The following FBXO41 variants were observed in gnomAD, a reference collection of about 807,000 sequenced individuals.
FBXO41 encodes the protein F-box protein 41, also known as F-box only protein 41.
In FBXO41, 33 loss-of-function variants were observed where a neutral mutation model predicts 81.6. The observed-to-expected ratio is 0.40, with a 90% confidence interval of 0.31 to 0.54. The LOEUF (loss-of-function observed/expected upper bound fraction) is 0.54. FBXO41 is among the 20% of genes least tolerant of loss of function. The pLI, the probability that FBXO41 is intolerant of heterozygous loss-of-function variation, is 0.39. For synonymous variants in FBXO41, 576 were observed against 552.7 expected, an observed-to-expected ratio of 1.04 and a Z score of -0.59; for missense variants, 1,107 against 1,236.0, an observed-to-expected ratio of 0.90 and a Z score of 1.56.
At chr2:73,283,706 C>CTA (rs1357909178) in intron 1 of FBXO41, among the ~76,000 whole-genome samples, 1 of 152,228 alleles carries the variant, frequency 6.6e-6, no homozygotes, top group African/African-American at 2.4e-5. Context: ...CACCTCCAGA[C>CTA]TATCACACGT....
At position 73,268,985 on chromosome 2, in the gene FBXO41, C is replaced by G; in HGVS notation, c.646G>C (p.Asp216His). 6.5e-7 allele frequency: 1 copy of G among 1,538,978 alleles called. No homozygotes were observed. Among genetic ancestry groups the G allele is most frequent in the African/African-American group, 1.4e-5 (1 of 73,154 alleles). The change falls in exon 2 of 13, where the codon GAC (aspartate) becomes CAC (histidine). Residue 216 changes from aspartate (D) to histidine (H), a missense_variant. Around this residue, in one of 2 missense-constraint regions of FBXO41, gnomAD observed 771 missense variants for 789.2 expected, o/e 0.98. Coordinates refer to ENST00000520530, the MANE Select transcript of FBXO41 (RefSeq NM_001371389.2). ...KIRALEKLEV[D>H]RRLERLSEEV... The stretch of plus-strand genomic sequence containing the variant: ...TCGCTCAGCCGCTCCAGCCGCCGGT[C>G]CACCTCCAGCTTCTCCAGCGCGCGG...
Position 73,259,056 on chromosome 2 carries a change from A to G in FBXO41, c.2566-12T>C. The G allele has an allele frequency of 1.2e-6, 2 of 1,605,398 alleles. No individual in the cohort carries two copies. The highest frequency in any genetic ancestry group is 1.7e-6 in the Non-Finnish European group (2 of 1,175,836). On this transcript the variant is annotated splice_polypyrimidine_tract_variant and intron_variant, in intron 12 of 12. Transcript: ENST00000520530. This position sits in a 1 kb window ranked among gnomAD's most constrained non-coding sequence, Gnocchi z 4.2. Reference sequence around the variant, plus strand: ...CTCCGTCGCAGAGCCTGCGGACCGAACCCTGGGTTAGTTCTCCCTCCGTGC... The same window carrying G: ...CTCCGTCGCAGAGCCTGCGGACCGAGCCCTGGGTTAGTTCTCCCTCCGTGC...
Position 73,269,739 on chromosome 2 carries a change from T to A in FBXO41, c.-109A>T. ...AGGCCCCCTGCGGGGTCAGGAAGGC[T>A]CAGGGCGCCCGCGGCCTGGGGCGAG... On this transcript the variant is annotated 5_prime_UTR_variant, in exon 2 of 13. Coordinates refer to ENST00000520530, the MANE Select transcript of FBXO41 (RefSeq NM_001371389.2). This position sits in a 1 kb window ranked among gnomAD's most constrained non-coding sequence, Gnocchi z 7.0. 1 of 733,870 alleles carries A rather than the reference T, an allele frequency of 1.4e-6. No individual in the cohort carries two copies. The highest frequency in any genetic ancestry group is 1.7e-6 in the Non-Finnish European group (1 of 575,214). The allele number at this position is 733,870 out of a possible 1,614,324, so 45.5% of individuals were successfully genotyped here.
At chr2:73,268,603 A>C in intron 2 of FBXO41, 123 bp downstream of exon 2, 4 of 934,920 alleles carry the variant, frequency 4.3e-6, no homozygotes, top group African/African-American at 1.7e-5. Context: ...GCTCCTGGCC[A>C]CGGATCCTCT....
chr2:73,270,703 T>C (rs990823390), intron 1 of FBXO41: 3 of 469,874 alleles, frequency 6.4e-6, no homozygotes, highest in Non-Finnish European at 1.3e-5. Context: ...ACAAGGTCCC[T>C]CCATCCCCCC....
At chr2:73,263,465 AAAAAAGAAAGAAAG>A (rs1688093607) in intron 8 of FBXO41, among the ~76,000 whole-genome samples, 157 bp from the exon 9 acceptor site, 1 of 152,084 alleles carries the variant, frequency 6.6e-6, no homozygotes, top group Admixed American at 6.5e-5. Flanking sequence ...TTTAAAAAAA[AAAAAAGAAAGAAAG>A]AAAAAGAAAA....
chr2:73,265,225 C>T, intron 5 of FBXO41, 57 bp downstream of exon 5: 7 of 1,473,792 alleles, frequency 4.7e-6, no homozygotes, highest in Non-Finnish European at 6.4e-6. Flanking sequence ...GGTGCAGGAG[C>T]CCAGGAGATT....
At chr2:73,283,132 A>T (rs1457218141) in intron 1 of FBXO41, among the ~76,000 whole-genome samples, 1 of 152,164 alleles carries the variant, frequency 6.6e-6, no homozygotes, top group African/African-American at 2.4e-5. Flanking sequence ...TATCCTAAGG[A>T]TGGGGGAGGC....
chr2:73,272,752 A>AT (rs1688577837), intron 1 of FBXO41, among the ~76,000 whole-genome samples: 1 of 152,220 alleles, frequency 6.6e-6, no homozygotes, highest in Non-Finnish European at 1.5e-5. Context: ...CACCACCACC[A>AT]GGGACTTCAT....
In FBXO41 at chr2:73,260,309, A is replaced by G; in HGVS notation, c.2449+80T>C. 2.6e-6 allele frequency: 4 copies of G among 1,512,448 alleles called. No homozygotes were observed. Among genetic ancestry groups the G allele is most frequent in the Non-Finnish European group, 3.6e-6 (4 of 1,118,006 alleles). 93.7% of individuals were successfully genotyped at this position (1,512,448 alleles called of 1,614,324 possible). A position where few individuals can be genotyped will look rare whatever the true frequency, so the allele number is the denominator to read the frequency against. On this transcript the variant is annotated intron_variant, in intron 11 of 12. Transcript: ENST00000520530. The surrounding 1 kb of genome is among the most constrained non-coding windows in gnomAD (Gnocchi z 5.0). ...CTGGAGACTCTGATCCATCTGCCCC[A>G]GTGATAGTTAGGATACCTGCTGACA... is the stretch of plus-strand genomic sequence containing the variant.
At chr2:73,268,636 C>G (rs1688366021) in intron 2 of FBXO41, 90 bp downstream of exon 2, 2 of 1,288,054 alleles carry the variant, frequency 1.6e-6, no homozygotes, top group South Asian at 1.5e-5. Flanking sequence ...TGGCCACATA[C>G]AGACACACTC....
At chr2:73,265,134 T>C in intron 5 of FBXO41, 148 bp downstream of exon 5, 2 of 744,176 alleles carry the variant, frequency 2.7e-6, no homozygotes, top group Non-Finnish European at 4.3e-6. Context: ...ACTGCAGCCC[T>C]GCCCTGTCAC....
rs557202458 is a variant in FBXO41 at position 73,260,718 on chromosome 2, C to G, written c.2290+22G>C. ...ATGCCTGCTTCCCACTACCCACCAC[C>G]CCAGTCCAAGGAAAGACTCACCGAG... is the stretch of plus-strand genomic sequence containing the variant. On this transcript the variant is annotated intron_variant, in intron 10 of 12. Transcript: ENST00000520530. This position sits in a 1 kb window ranked among gnomAD's most constrained non-coding sequence, Gnocchi z 5.0. 2.9e-5 allele frequency: 45 copies of G among 1,529,536 alleles called. No individual in the cohort carries two copies. In the African/African-American group the frequency reaches 5.9e-4, roughly 20 times the overall value. 94.7% of individuals were successfully genotyped at this position (1,529,536 alleles called of 1,614,324 possible). A position where few individuals can be genotyped will look rare whatever the true frequency, so the allele number is the denominator to read the frequency against.
Position 73,259,261 on chromosome 2 carries a change from T to C in FBXO41, c.2485A>G (p.Ile829Val). 6.2e-7 allele frequency: 1 copy of C among 1,613,962 alleles called. No individual in the cohort carries two copies. The highest frequency in any genetic ancestry group is 1.1e-5 in the South Asian group (1 of 91,084). ...CRNLKSIVVQ[I>V]GIADYFKEPS... ...TCTTTGAAATAATCCGCAATCCCAA[T>C]CTGGACCACAATGGACTTGAGGTTC... Residue 829 changes from isoleucine (I) to valine (V), a missense_variant, in exon 12 of 13, where the codon ATT becomes GTT. Coordinates refer to ENST00000520530, the MANE Select transcript of FBXO41 (RefSeq NM_001371389.2). This position sits in a 1 kb window ranked among gnomAD's most constrained non-coding sequence, Gnocchi z 4.2.
chr2:73,271,266 G>A (rs1688481165), intron 1 of FBXO41: 1 of 285,296 alleles, frequency 3.5e-6, no homozygotes, highest in Non-Finnish European at 6.9e-6. Context: ...CCTGGTAACA[G>A]CACCCTGCTT....
intron 1 of FBXO41, among the ~76,000 whole-genome samples, chr2:73,281,097 G>A (rs78339990): frequency 0.014 from 2,102 of 152,278 alleles, 51 homozygotes; most frequent in African/African-American, 0.048. Flanking sequence ...CTTAGGCTTA[G>A]GGCTTGTCTG....
intron 1 of FBXO41, among the ~76,000 whole-genome samples, chr2:73,279,811 T>C (rs1192604086): frequency 1.3e-5 from 2 of 152,198 alleles, no homozygotes; most frequent in Non-Finnish European, 2.9e-5. Context: ...CATATTTAAA[T>C]GCTTCTTAAG....
intron 2 of FBXO41, among the ~76,000 whole-genome samples, chr2:73,267,010 C>T (rs968333331): frequency 2.0e-5 from 3 of 152,174 alleles, no homozygotes; most frequent in African/African-American, 7.2e-5. Context: ...CATACATCCC[C>T]ACACACATGT....
In FBXO41 at chr2:73,269,484, G is replaced by A. The variant is rs1488259288; in HGVS notation, c.147C>T (p.Asp49=). The A allele has an allele frequency of 3.1e-6, 4 of 1,289,284 alleles. No individual in the cohort carries two copies. The highest frequency in any genetic ancestry group is 1.6e-5 in the African/African-American group (1 of 63,530). The allele number at this position is 1,289,284 out of a possible 1,614,324, so 79.9% of individuals were successfully genotyped here. The part of the protein sequence containing the change: ...YILSKTNSIC[D]GAAAAAAAAA... ...CGGCGGCCGCGGCGGCGGCGGCGCC[G>A]TCGCAGATGCTGTTGGTCTTGGAGA... The change falls in exon 2 of 13, where the codon GAC becomes GAT. Residue 49 remains aspartate (D), a synonymous_variant. Transcript: ENST00000520530. The surrounding 1 kb of genome is among the most constrained non-coding windows in gnomAD (Gnocchi z 7.0).
Sources: gnomAD v4.1 joint callset for allele counts (sites outside exome capture counted in the v4.1 genomes callset) on GRCh38, gnomAD v4.1.1 for gene constraint, gnomAD v4.1.1 regional missense constraint, Gnocchi (gnomAD v3.1) non-coding constraint, MANE v1.5 for transcripts, NCBI Gene and HGNC (gene_info 2026-07-23, HGNC 2026-07-21) for gene names.